Variants in DDR2 observed in about 807,000 individuals in gnomAD.
DDR2 encodes the protein discoidin domain-containing receptor 2.
In DDR2, 27 loss-of-function variants were observed where a neutral mutation model predicts 94.9. The ratio of observed to expected loss-of-function variants is 0.28; its 90% CI spans 0.21 to 0.39. The LOEUF is 0.39. Among genes scored for constraint, DDR2 ranks in the 10% least tolerant of loss-of-function variants. The pLI, the probability that DDR2 is intolerant of heterozygous loss-of-function variation, is 1.00. For synonymous variants in DDR2, 382 were observed against 377.2 expected (o/e 1.01, Z -0.15); for missense variants, 783 against 1,076.0 (o/e 0.73, Z 3.81).
chr1:162,680,484 T>C (rs1174072730), intron 2 of DDR2, among the ~76,000 whole-genome samples: 1 of 152,214 alleles, frequency 6.6e-6, no homozygotes, highest in Non-Finnish European at 1.5e-5. Context: ...TTCAATTACA[T>C]TGGTCTATAT....
intron 3 of DDR2, among the ~76,000 whole-genome samples, chr1:162,723,400 C>A (rs1041182520): frequency 6.6e-6 from 1 of 152,086 alleles, no homozygotes; most frequent in Non-Finnish European, 1.5e-5. Flanking sequence ...GGGAAAGAGA[C>A]CCCACAATCA....
At position 162,784,237 on chromosome 1, in the gene DDR2, G is replaced by A. The variant is rs549515725; in HGVS notation, c.*3991G>A. ...AAGGGGAGTGTCCGCAAAATGGAAAGAGATGAAGATGTTCCAAGGAAGTAT... is the reference window on the plus strand; with the variant it reads ...AAGGGGAGTGTCCGCAAAATGGAAAAAGATGAAGATGTTCCAAGGAAGTAT... On this transcript the variant is annotated 3_prime_UTR_variant, in exon 18 of 18. Coordinates refer to ENST00000367921, the MANE Select transcript of DDR2 (RefSeq NM_006182.4). The A allele has an allele frequency of 6.5e-6, 1 of 153,688 alleles. No homozygotes were observed. Among genetic ancestry groups the A allele is most frequent in the African/African-American group, 2.4e-5 (1 of 41,488 alleles). The allele number at this position is 153,688 out of a possible 1,614,324, so 9.5% of individuals were successfully genotyped here.
intron 4 of DDR2, among the ~76,000 whole-genome samples, chr1:162,753,628 A>G (rs1051937306): frequency 4.6e-5 from 7 of 152,126 alleles, no homozygotes; most frequent in Non-Finnish European, 1.0e-4. Flanking sequence ...AGCATCACTC[A>G]CTGCCAAGCA....
chr1:162,773,403 C>T (rs2102189347), intron 13 of DDR2, 66 bp from the exon 14 acceptor site: 1 of 1,604,594 alleles, frequency 6.2e-7, no homozygotes, highest in Middle Eastern at 1.7e-4. Context: ...CAGGAAATGC[C>T]CAGCAAGAGT....
intron 2 of DDR2, among the ~76,000 whole-genome samples, chr1:162,661,248 T>A (rs1332216880): frequency 6.6e-6 from 1 of 152,178 alleles, no homozygotes; most frequent in African/African-American, 2.4e-5. Flanking sequence ...CCTCCACAAA[T>A]TGATTTCATT....
intron 3 of DDR2, among the ~76,000 whole-genome samples, chr1:162,752,529 G>T (rs930263435): frequency 7.8e-4 from 119 of 152,302 alleles, no homozygotes; most frequent in Non-Finnish European, 1.2e-3. Context: ...CTCCGTCTTT[G>T]GTTGAAAGTG....
chr1:162,734,622 G>A (rs896284672), intron 3 of DDR2, among the ~76,000 whole-genome samples: 8 of 152,240 alleles, frequency 5.3e-5, no homozygotes, highest in African/African-American at 1.9e-4. Context: ...GCTGAAGGAT[G>A]AGCAGGAGCT....
intron 3 of DDR2, among the ~76,000 whole-genome samples, chr1:162,751,499 A>T (rs1314525026): frequency 6.6e-6 from 1 of 152,224 alleles, no homozygotes; most frequent in African/African-American, 2.4e-5. Context: ...AGGAAACAAC[A>T]GGTGCTGGAG....
chr1:162,711,994 G>T (rs1387230237), intron 2 of DDR2, among the ~76,000 whole-genome samples: 1 of 151,980 alleles, frequency 6.6e-6, no homozygotes, highest in Non-Finnish European at 1.5e-5. Flanking sequence ...TATAAACCAG[G>T]CAAGAGGAGA....
rs774661665 is a variant in DDR2, at chr1:162,770,532, C to A, written c.1504+20C>A. 2 of 1,610,964 alleles carry A rather than the reference C, an allele frequency of 1.2e-6. No individual in the cohort carries two copies. The highest frequency in any genetic ancestry group is 1.7e-6 in the Non-Finnish European group (2 of 1,177,460). ...AGTCAGGTGAGGATGATGTGGTGGG[C>A]AGGGTGTCAAGGGAGAAACCTCAGC... On this transcript the variant is annotated intron_variant, in intron 12 of 17. Coordinates refer to ENST00000367921, the MANE Select transcript of DDR2 (RefSeq NM_006182.4).
intron 2 of DDR2, among the ~76,000 whole-genome samples, chr1:162,709,188 G>A (rs1220666854): frequency 3.9e-5 from 6 of 152,154 alleles, no homozygotes; most frequent in Non-Finnish European, 8.8e-5. Context: ...CAGACAAGGT[G>A]ACTCATAAGG....
At chr1:162,741,679 A>G in intron 3 of DDR2, 1 of 985,282 alleles carries the variant, frequency 1.0e-6, no homozygotes, top group Non-Finnish European at 1.2e-6. Context: ...GAGGTGCCTG[A>G]GGGAGACATA....
chr1:162,770,276 C>G lies in DDR2; in HGVS notation c.1294-26C>G, dbSNP rs747033493. Reference sequence around the variant, plus strand: ...TGACCATCTCTTTTGTGCCAACATGCCTTTCTCCTTGCTCTTCTCTTCCAG... The same window carrying G: ...TGACCATCTCTTTTGTGCCAACATGGCTTTCTCCTTGCTCTTCTCTTCCAG... On this transcript the variant is annotated intron_variant, in intron 11 of 17. Coordinates refer to ENST00000367921, the MANE Select transcript of DDR2 (RefSeq NM_006182.4). The G allele has an allele frequency of 1.5e-5, 24 of 1,610,922 alleles. No individual in the cohort carries two copies. In the Admixed American group the frequency reaches 2.0e-4, roughly 13 times the overall value.
intron 2 of DDR2, among the ~76,000 whole-genome samples, chr1:162,676,661 G>A (rs12145909): frequency 0.049 from 7,435 of 152,310 alleles, 230 homozygotes; most frequent in South Asian, 0.084. Flanking sequence ...AACCTACTGT[G>A]TGCAAGGCAC....
intron 2 of DDR2, among the ~76,000 whole-genome samples, chr1:162,676,492 G>A (rs989048976): frequency 1.3e-5 from 2 of 152,180 alleles, no homozygotes; most frequent in African/African-American, 4.8e-5. Flanking sequence ...GCTCATTCAG[G>A]CACATGCTAA....
chr1:162,646,139 A>G (rs1408768889), intron 1 of DDR2, among the ~76,000 whole-genome samples: 1 of 152,200 alleles, frequency 6.6e-6, no homozygotes, highest in Non-Finnish European at 1.5e-5. Context: ...AATTGTAAAC[A>G]CCAATGAAAA....
At chr1:162,766,135 G>C in intron 10 of DDR2, 72 bp downstream of exon 10, 1 of 1,535,852 alleles carries the variant, frequency 6.5e-7, no homozygotes, top group Non-Finnish European at 9.0e-7. Flanking sequence ...GTGGAGAGTT[G>C]CAAAGCCCTG....
intron 2 of DDR2, among the ~76,000 whole-genome samples, chr1:162,697,742 T>C (rs774654250): frequency 2.0e-5 from 3 of 152,210 alleles, no homozygotes; most frequent in Non-Finnish European, 2.9e-5. Flanking sequence ...TGAGTCCTCA[T>C]GATTACTCCT....
intron 2 of DDR2, among the ~76,000 whole-genome samples, chr1:162,718,479 G>A (rs574055148): frequency 6.6e-6 from 1 of 151,916 alleles, no homozygotes. Flanking sequence ...TCCTTATTAA[G>A]CTAAACATAA....
Sources: gnomAD v4.1 joint callset for allele counts (sites outside exome capture counted in the v4.1 genomes callset) on GRCh38, gnomAD v4.1.1 for gene constraint, MANE v1.5 for transcripts, NCBI Gene and HGNC (gene_info 2026-07-23, HGNC 2026-07-21) for gene names.